CDH13: variants seen among roughly 807,000 people sequenced by gnomAD.
CDH13 encodes the protein cadherin-13.
CDH13 carries 24 observed loss-of-function variants against 63.8 expected under a neutral mutation model. That is an observed-to-expected ratio of 0.38 (90% CI 0.27 to 0.53). The LOEUF is 0.53. Among genes scored for constraint, CDH13 ranks in the 20% least tolerant of loss-of-function variants. The pLI is 0.85. For missense variants in CDH13, 1,049 were observed against 903.1 expected (o/e 1.16, Z -2.07); for synonymous variants, 503 against 355.3 (o/e 1.42, Z -4.67).
intron 7 of CDH13, among the ~76,000 whole-genome samples, chr16:83,576,652 C>T (rs1905105125): frequency 6.6e-6 from 1 of 152,198 alleles, no homozygotes; most frequent in African/African-American, 2.4e-5. Flanking sequence ...TTCTCCACAT[C>T]CCTCCCAGCC....
intron 4 of CDH13, among the ~76,000 whole-genome samples, chr16:83,159,676 C>G (rs1485732406): frequency 6.6e-6 from 1 of 152,214 alleles, no homozygotes; most frequent in East Asian, 1.9e-4. Context: ...ACTTTAATTT[C>G]TCATTTGAAC....
At chr16:83,190,138 C>G (rs1443478415) in intron 4 of CDH13, among the ~76,000 whole-genome samples, 2 of 152,286 alleles carry the variant, frequency 1.3e-5, no homozygotes, top group East Asian at 3.9e-4. Flanking sequence ...AAGAATACCC[C>G]AAGGAGAATA....
At chr16:83,585,586 T>C (rs1050161809) in intron 7 of CDH13, among the ~76,000 whole-genome samples, 10 of 140,924 alleles carry the variant, frequency 7.1e-5, no homozygotes, top group African/African-American at 1.1e-4. Context: ...ATCTGGGAAT[T>C]AGGAGACAGT....
chr16:83,028,234 G>A (rs1915996012), intron 2 of CDH13, among the ~76,000 whole-genome samples: 1 of 152,166 alleles, frequency 6.6e-6, no homozygotes, highest in Non-Finnish European at 1.5e-5. Flanking sequence ...AACAGTGAAA[G>A]CAACCTTGGT....
intron 4 of CDH13, among the ~76,000 whole-genome samples, chr16:83,187,591 GT>G (rs1242906753): frequency 1.3e-5 from 2 of 151,978 alleles, no homozygotes; most frequent in Non-Finnish European, 2.9e-5. Context: ...GGGAGAAGCT[GT>G]TTGCAACCCG....
At chr16:83,445,289 G>A (rs9929980) in intron 6 of CDH13, among the ~76,000 whole-genome samples, 62 of 123,658 alleles carry the variant, frequency 5.0e-4, no homozygotes, top group Non-Finnish European at 1.0e-3. Flanking sequence ...TTTATAAAAG[G>A]TTTTATAAAT....
At chr16:83,066,354 G>A (rs968335124) in intron 3 of CDH13, among the ~76,000 whole-genome samples, 2 of 152,108 alleles carry the variant, frequency 1.3e-5, no homozygotes, top group African/African-American at 4.8e-5. Context: ...TCGGAGACAT[G>A]CAGGCTTCCC....
At chr16:83,034,424 T>C (rs1916664345) in intron 3 of CDH13, among the ~76,000 whole-genome samples, 1 of 152,198 alleles carries the variant, frequency 6.6e-6, no homozygotes, top group Non-Finnish European at 1.5e-5. Flanking sequence ...TGGATATTGG[T>C]GAATTCATAC....
chr16:82,836,188 G>A (rs552135431), intron 1 of CDH13, among the ~76,000 whole-genome samples: 9 of 152,104 alleles, frequency 5.9e-5, no homozygotes, highest in South Asian at 4.2e-4. Context: ...GTGCATTGGC[G>A]CCCAGGCTGG....
chr16:82,691,363 G>A (rs890473341), intron 1 of CDH13, among the ~76,000 whole-genome samples: 2 of 152,190 alleles, frequency 1.3e-5, no homozygotes, highest in African/African-American at 4.8e-5. Flanking sequence ...GCATGTGGCA[G>A]GTGGGACTTG....
chr16:83,632,989 G>C (rs528199747), intron 8 of CDH13, among the ~76,000 whole-genome samples: 1 of 152,086 alleles, frequency 6.6e-6, no homozygotes, highest in East Asian at 2.0e-4. Context: ...TCATGGCACT[G>C]GTGGGAGTGT....
chr16:83,463,085 A>G (rs1054561902), intron 6 of CDH13, among the ~76,000 whole-genome samples: 2 of 152,066 alleles, frequency 1.3e-5, no homozygotes, highest in African/African-American at 2.4e-5. Flanking sequence ...CTGCCTCGGG[A>G]AGGAGTGTTG....
At chr16:83,660,707 T>C (rs1364114) in intron 8 of CDH13, among the ~76,000 whole-genome samples, 68,570 of 152,088 alleles carry the variant, frequency 0.45, 16,280 homozygotes, top group Non-Finnish European at 0.52. Flanking sequence ...GACTATGTTA[T>C]TGTTTCTTGA....
At chr16:83,236,907 C>A (rs1470038172) in intron 5 of CDH13, among the ~76,000 whole-genome samples, 1 of 151,942 alleles carries the variant, frequency 6.6e-6, no homozygotes, top group Non-Finnish European at 1.5e-5. Flanking sequence ...TCTACAACAT[C>A]ATGAGTACAC....
chr16:83,205,241 CA>C (rs2151770823), intron 4 of CDH13, among the ~76,000 whole-genome samples: 1 of 152,304 alleles, frequency 6.6e-6, no homozygotes, highest in African/African-American at 2.4e-5. Context: ...GTGAAACACA[CA>C]GCATGCATTA....
At chr16:83,509,636 G>C (rs1184812096) in intron 7 of CDH13, among the ~76,000 whole-genome samples, 1 of 152,180 alleles carries the variant, frequency 6.6e-6, no homozygotes, top group Non-Finnish European at 1.5e-5. Context: ...ATTTCTAGCA[G>C]AGAGAAGAAA....
intron 6 of CDH13, among the ~76,000 whole-genome samples, chr16:83,434,640 T>G (rs755208730): frequency 1.3e-5 from 2 of 151,950 alleles, no homozygotes; most frequent in Non-Finnish European, 2.9e-5. Context: ...TCAGTAATCA[T>G]GTACATAGCC....
At chr16:83,507,319 A>G (rs2074424010) in intron 7 of CDH13, among the ~76,000 whole-genome samples, 1 of 152,216 alleles carries the variant, frequency 6.6e-6, no homozygotes, top group African/African-American at 2.4e-5. Context: ...TCAAAGAGGT[A>G]TTGTTATTAA....
chr16:82,801,113 G>A (rs954516785), intron 1 of CDH13, among the ~76,000 whole-genome samples: 4 of 152,132 alleles, frequency 2.6e-5, no homozygotes, highest in African/African-American at 9.7e-5. Flanking sequence ...TGTTGGGTTT[G>A]TTCTTAAGAA....
Sources: allele counts gnomAD v4.1 joint callset (sites outside exome capture counted in the v4.1 genomes callset), GRCh38; gene constraint gnomAD v4.1.1; transcripts MANE v1.5; gene names NCBI Gene and HGNC (gene_info 2026-07-23, HGNC 2026-07-21).